SLC39A11: variants seen among roughly 807,000 people sequenced by gnomAD.
SLC39A11 encodes the protein solute carrier family 39 member 11.
SLC39A11 carries 33 observed loss-of-function variants against 36.1 expected under a neutral mutation model. The ratio of observed to expected loss-of-function variants is 0.91; its 90% CI spans 0.69 to 1.22. The LOEUF (loss-of-function observed/expected upper bound fraction) is 1.22. Among genes scored for constraint, SLC39A11 ranks in the 50% most tolerant of loss-of-function variants. SLC39A11 has a pLI of 0.00. For missense variants in SLC39A11, 432 were observed against 430.3 expected (o/e 1.00, Z -0.03); for synonymous variants, 166 against 170.3 (o/e 0.97, Z 0.20).
chr17:72,747,370 T>G (rs1205020156), intron 6 of SLC39A11, among the ~76,000 whole-genome samples: 1 of 152,168 alleles, frequency 6.6e-6, no homozygotes, highest in Non-Finnish European at 1.5e-5. Flanking sequence ...CAGGCTGGTC[T>G]TGAACTCCTG....
Position 72,908,426 on chromosome 17 carries a change from C to T in SLC39A11, c.430+39326G>A, listed in dbSNP as rs375236828. Among the ~76,000 whole-genome samples the T allele has an allele frequency of 8.5e-5, 13 of 152,298 alleles. 1 individual carries two copies. In the South Asian group the frequency reaches 1.7e-3, roughly 19 times the overall value. On this transcript the variant is annotated intron_variant, in intron 5 of 9. Transcript: ENST00000255559. ...GCCACACACACAGGGCCAGGCTGGC[C>T]ACTTCGGGGCCAAAACAACACGGCT...
intron 7 of SLC39A11, among the ~76,000 whole-genome samples, chr17:72,668,862 T>A (rs1445078739): frequency 1.3e-5 from 2 of 152,232 alleles, no homozygotes; most frequent in Non-Finnish European, 2.9e-5. Context: ...AGACAGCCAG[T>A]TCTCAGGGCC....
chr17:72,803,054 C>T (rs34216424), intron 6 of SLC39A11, among the ~76,000 whole-genome samples: 2,007 of 152,332 alleles, frequency 0.013, 26 homozygotes, highest in African/African-American at 0.03. Context: ...AAAAACGGAA[C>T]GTCCTGCTTT....
rs145777933 is a variant in SLC39A11, at chr17:72,853,740, A to G, written c.431-3936T>C. Reference sequence around the variant, plus strand: ...GACAGCCACTAATGAGTCTGCAACAAGGAAGATTAGTCCAAATAAATCATT... The same window carrying G: ...GACAGCCACTAATGAGTCTGCAACAGGGAAGATTAGTCCAAATAAATCATT... On this transcript the variant is annotated intron_variant, in intron 5 of 9. Transcript: ENST00000255559. Among the ~76,000 whole-genome samples the G allele has an allele frequency of 8.5e-3, 1,296 of 152,276 alleles. 10 individuals carry two copies. The highest frequency in any genetic ancestry group is 0.027 in the Middle Eastern group (8 of 292).
intron 3 of SLC39A11, among the ~76,000 whole-genome samples, chr17:73,077,476 C>A (rs961929147): frequency 6.6e-6 from 1 of 152,172 alleles, no homozygotes; most frequent in African/African-American, 2.4e-5. Context: ...TGCCACCATG[C>A]CTGGCTAATT....
intron 4 of SLC39A11, among the ~76,000 whole-genome samples, chr17:72,994,351 A>G (rs1482048282): frequency 6.6e-6 from 1 of 152,236 alleles, no homozygotes; most frequent in Non-Finnish European, 1.5e-5. Flanking sequence ...TTTCATTTAT[A>G]TACAATTGAA....
At chr17:72,986,826 G>C (rs1319156165) in intron 4 of SLC39A11, among the ~76,000 whole-genome samples, 1 of 152,186 alleles carries the variant, frequency 6.6e-6, no homozygotes, top group African/African-American at 2.4e-5. Flanking sequence ...AGGAGTTCAA[G>C]ACCAGCCTCG....
intron 3 of SLC39A11, among the ~76,000 whole-genome samples, chr17:73,034,997 G>A (rs2058857244): frequency 6.6e-6 from 1 of 152,100 alleles, no homozygotes; most frequent in Admixed American, 6.5e-5. Flanking sequence ...GGATCCAGCT[G>A]GATTTCCTTC....
intron 3 of SLC39A11, 98 bp from the exon 4 acceptor site, chr17:73,031,812 A>G: frequency 8.2e-7 from 1 of 1,219,562 alleles, no homozygotes; most frequent in South Asian, 1.5e-5. Flanking sequence ...TGACCCCTAC[A>G]ATTTCACATG....
intron 4 of SLC39A11, among the ~76,000 whole-genome samples, chr17:72,977,909 C>T (rs144088758): frequency 1.1e-4 from 16 of 152,356 alleles, no homozygotes; most frequent in East Asian, 1.9e-4. Flanking sequence ...CCGACTGCAT[C>T]GGCACCTGTT....
chr17:73,091,440 T>A (rs2060920735), intron 1 of SLC39A11, among the ~76,000 whole-genome samples: 1 of 151,156 alleles, frequency 6.6e-6, no homozygotes, highest in Non-Finnish European at 1.5e-5. Flanking sequence ...CAAGGCTCTG[T>A]CTCAAAAAAA....
In SLC39A11 at chr17:72,886,244, G is replaced by A. The variant is rs533470820; in HGVS notation, c.431-36440C>T. Among the ~76,000 whole-genome samples the A allele has an allele frequency of 1.4e-4, 21 of 152,210 alleles. No homozygotes were observed. The South Asian group carries it at 1.5e-3, about 11-fold the overall frequency. ...AATCTCAACCAATCTCATGACTTTC[G>A]TCATTCCCAAATTTATATCTCCAAC... On this transcript the variant is annotated intron_variant, in intron 5 of 9. Coordinates refer to ENST00000255559, the MANE Select transcript of SLC39A11 (RefSeq NM_139177.4).
chr17:73,085,906 C>T (rs2060713656), intron 2 of SLC39A11, among the ~76,000 whole-genome samples: 1 of 152,128 alleles, frequency 6.6e-6, no homozygotes, highest in African/African-American at 2.4e-5. Context: ...CAACAGGTAC[C>T]ATAATGGCGA....
At chr17:72,881,354 G>A (rs191200767) in intron 5 of SLC39A11, among the ~76,000 whole-genome samples, 251 of 152,242 alleles carry the variant, frequency 1.6e-3, no homozygotes, top group African/African-American at 5.8e-3. Context: ...TTGCAGTGAT[G>A]GTTTCCCAGG....
rs1038573802 is a variant in SLC39A11, at chr17:73,091,788, T to C, written c.-12+823A>G. On this transcript the variant is annotated intron_variant, in intron 1 of 9. Transcript: ENST00000255559. ...AGAATCATTCTCTGACCGTTCCAAC[T>C]TTTAACATGCCAACAGCCTGTAGAC... 2.0e-5 allele frequency: 3 copies of C among 152,396 alleles called. No individual in the cohort carries two copies. In the East Asian group the frequency reaches 5.8e-4, roughly 29 times the overall value. The allele number at this position is 152,396 out of a possible 1,614,324, so 9.4% of individuals were successfully genotyped here.
chr17:72,841,913 A>AG (rs1312872465), intron 6 of SLC39A11, among the ~76,000 whole-genome samples: 1 of 151,514 alleles, frequency 6.6e-6, no homozygotes, highest in African/African-American at 2.4e-5. Flanking sequence ...AATACAAAAA[A>AG]AAAAAGAAAT....
At chr17:72,871,056 G>GTTTTTTTTTTTTTTTTTTTTTTTTTTTT (rs34776144) in intron 5 of SLC39A11, among the ~76,000 whole-genome samples, 4 of 124,312 alleles carry the variant, frequency 3.2e-5, no homozygotes, top group Non-Finnish European at 5.0e-5. Context: ...TTTTGTTTTT[G>GTTTTTTTTTTTTTTTTTTTTTTTTTTTT]TTTTTTTTTT....
At chr17:73,056,056 C>T (rs2059656003) in intron 3 of SLC39A11, among the ~76,000 whole-genome samples, 1 of 152,224 alleles carries the variant, frequency 6.6e-6, no homozygotes, top group Non-Finnish European at 1.5e-5. Context: ...CTGCTGGCAA[C>T]TCCCAAGGCC....
At chr17:72,951,586 A>T (rs1425355893) in intron 4 of SLC39A11, among the ~76,000 whole-genome samples, 1 of 152,210 alleles carries the variant, frequency 6.6e-6, no homozygotes, top group Non-Finnish European at 1.5e-5. Context: ...TAAACCCATC[A>T]TGATAAACTA....
Sources: gnomAD v4.1 joint callset for allele counts (sites outside exome capture counted in the v4.1 genomes callset) on GRCh38, gnomAD v4.1.1 for gene constraint, MANE v1.5 for transcripts, NCBI Gene and HGNC (gene_info 2026-07-23, HGNC 2026-07-21) for gene names.